The following LRP1B variants were observed in gnomAD, a reference collection of about 807,000 sequenced individuals.
LRP1B encodes low-density lipoprotein receptor-related protein 1B.
In LRP1B, 217 loss-of-function variants were observed where a neutral mutation model predicts 556.6. The observed-to-expected ratio is 0.39, with a 90% CI of 0.35 to 0.44. The LOEUF (loss-of-function observed/expected upper bound fraction) is 0.44. Among genes scored for constraint, LRP1B ranks in the 20% least tolerant of loss-of-function variants. The pLI is 1.00. For synonymous variants in LRP1B, 2,047 were observed against 1,865.8 expected, an observed-to-expected ratio of 1.10 and a Z score of -2.50; for missense variants, 5,053 against 5,620.8, an observed-to-expected ratio of 0.90 and a Z score of 3.23.
intron 32 of LRP1B, among the ~76,000 whole-genome samples, chr2:140,804,488 A>G (rs1690640306): frequency 6.6e-6 from 1 of 152,022 alleles, no homozygotes. Flanking sequence ...AAAATTCATA[A>G]AAAGTGTGCA....
chr2:140,295,866 G>A (rs1354648079), intron 84 of LRP1B, among the ~76,000 whole-genome samples: 3 of 152,054 alleles, frequency 2.0e-5, no homozygotes, highest in Non-Finnish European at 4.4e-5. Context: ...ATACTTTGGG[G>A]CAAAGAGAGG....
At chr2:140,852,818 T>C (rs1169629292) in intron 27 of LRP1B, among the ~76,000 whole-genome samples, 1 of 152,160 alleles carries the variant, frequency 6.6e-6, no homozygotes, top group Non-Finnish European at 1.5e-5. Flanking sequence ...TTTTGAATTT[T>C]ATGTTCCTTG....
chr2:142,003,217 G>C (rs1440148470), intron 1 of LRP1B, among the ~76,000 whole-genome samples: 1 of 152,220 alleles, frequency 6.6e-6, no homozygotes, highest in Non-Finnish European at 1.5e-5. Context: ...CCATATGCAA[G>C]GTCCTCTGCA....
intron 5 of LRP1B, among the ~76,000 whole-genome samples, chr2:141,235,507 T>C (rs2105306692): frequency 6.6e-6 from 1 of 152,190 alleles, no homozygotes; most frequent in South Asian, 2.1e-4. Flanking sequence ...GTCTCAGCCT[T>C]GCCTTAATGG....
At chr2:142,127,295 T>A (rs921902690) in intron 1 of LRP1B, among the ~76,000 whole-genome samples, 3 of 152,078 alleles carry the variant, frequency 2.0e-5, no homozygotes, top group Non-Finnish European at 2.9e-5. Context: ...AAAAACATTT[T>A]AAGAAATTAT....
intron 1 of LRP1B, among the ~76,000 whole-genome samples, chr2:141,977,852 C>T (rs1701929384): frequency 6.6e-6 from 1 of 152,022 alleles, no homozygotes; most frequent in Non-Finnish European, 1.5e-5. Context: ...TGCATTGTTT[C>T]TATTCTCTGT....
chr2:140,851,303 G>A (rs1692449252), intron 28 of LRP1B, among the ~76,000 whole-genome samples: 1 of 151,922 alleles, frequency 6.6e-6, no homozygotes, highest in Non-Finnish European at 1.5e-5. Flanking sequence ...TCTTTGTTAT[G>A]CAGGTTACCT....
intron 3 of LRP1B, among the ~76,000 whole-genome samples, chr2:141,374,645 C>T (rs1326910200): frequency 6.6e-6 from 1 of 151,904 alleles, no homozygotes; most frequent in Non-Finnish European, 1.5e-5. Flanking sequence ...ATTTTGTTTT[C>T]TGCTTGATCT....
chr2:141,674,075 T>C (rs1249016284), intron 2 of LRP1B, among the ~76,000 whole-genome samples: 1 of 152,052 alleles, frequency 6.6e-6, no homozygotes, highest in Non-Finnish European at 1.5e-5. Context: ...ATTCCCTCCA[T>C]TGTTAATAGC....
At chr2:140,368,268 G>A (rs1018074208) in intron 71 of LRP1B, among the ~76,000 whole-genome samples, 3 of 151,696 alleles carry the variant, frequency 2.0e-5, no homozygotes, top group Non-Finnish European at 4.4e-5. Flanking sequence ...AAGTATATAT[G>A]AATTAACAAT....
intron 41 of LRP1B, among the ~76,000 whole-genome samples, chr2:140,689,156 G>C (rs946373374): frequency 2.6e-5 from 4 of 152,154 alleles, no homozygotes; most frequent in African/African-American, 7.2e-5. Flanking sequence ...TTCTATATAT[G>C]AGTCCCTGTA....
intron 25 of LRP1B, 78 bp downstream of exon 25, chr2:140,883,739 G>T: frequency 8.9e-7 from 1 of 1,121,972 alleles, no homozygotes; most frequent in Non-Finnish European, 1.2e-6. Flanking sequence ...CATAATTGAT[G>T]AGATAATTAA....
intron 43 of LRP1B, among the ~76,000 whole-genome samples, chr2:140,543,025 C>A (rs1194630842): frequency 2.0e-5 from 3 of 152,118 alleles, no homozygotes; most frequent in African/African-American, 7.2e-5. Flanking sequence ...TCTGAGTACT[C>A]CGCAGGGTCT....
At chr2:142,030,002 C>T (rs980118684) in intron 1 of LRP1B, among the ~76,000 whole-genome samples, 19 of 147,616 alleles carry the variant, frequency 1.3e-4, no homozygotes, top group African/African-American at 4.7e-4. Flanking sequence ...TCTCCCACAA[C>T]CTTTGAAAAA....
intron 27 of LRP1B, among the ~76,000 whole-genome samples, chr2:140,865,569 A>G (rs1692923307): frequency 6.6e-6 from 1 of 152,048 alleles, no homozygotes; most frequent in Non-Finnish European, 1.5e-5. Flanking sequence ...AACAGGACAG[A>G]TAATGATTAT....
chr2:140,377,321 C>T (rs12992207), intron 68 of LRP1B, among the ~76,000 whole-genome samples: 12,960 of 152,114 alleles, frequency 0.085, 635 homozygotes, highest in Middle Eastern at 0.14. Flanking sequence ...GTGATCCACC[C>T]GCCTCGGCCT....
chr2:140,623,944 TA>T (rs1574155726), intron 41 of LRP1B, among the ~76,000 whole-genome samples: 1 of 30,050 alleles, frequency 3.3e-5, no homozygotes, highest in East Asian at 1.4e-3. Context: ...ATATATATTA[TA>T]TTTTATTTAT....
intron 2 of LRP1B, among the ~76,000 whole-genome samples, chr2:141,798,057 A>C (rs993686403): frequency 3.9e-5 from 6 of 152,188 alleles, no homozygotes; most frequent in Non-Finnish European, 7.4e-5. Flanking sequence ...ATTAGATATT[A>C]TACAATATTA....
chr2:141,994,158 C>A (rs564916859), intron 1 of LRP1B, among the ~76,000 whole-genome samples: 1 of 152,252 alleles, frequency 6.6e-6, no homozygotes, highest in African/African-American at 2.4e-5. Context: ...TCAGAGATCA[C>A]TTTTGTCTGT....
Sources: allele counts gnomAD v4.1 joint callset (sites outside exome capture counted in the v4.1 genomes callset), GRCh38; gene constraint gnomAD v4.1.1; transcripts MANE v1.5; gene names NCBI Gene and HGNC (gene_info 2026-07-23, HGNC 2026-07-21).